Variants in CTNNA3 observed in about 807,000 individuals in gnomAD.
CTNNA3 encodes the protein catenin alpha-3.
A neutral mutation model predicts 95.7 loss-of-function variants in CTNNA3; 76 were observed. The observed-to-expected ratio is 0.79, with a 90% CI of 0.66 to 0.96. The LOEUF is 0.96. CTNNA3 is among the 40% of genes least tolerant of loss of function. The probability of loss-of-function intolerance (pLI) is 0.00; values close to 1 mark genes in which losing one functional copy is unlikely to be tolerated. For synonymous variants in CTNNA3, 431 were observed against 374.4 expected (o/e 1.15, Z -1.74); for missense variants, 1,191 against 1,089.8 (o/e 1.09, Z -1.31).
chr10:65,917,926 C>T lies in CTNNA3; in HGVS notation c.*2404G>A, dbSNP rs2077026794. 1 of 152,162 alleles carries T rather than the reference C, an allele frequency of 6.6e-6. No individual in the cohort carries two copies. Among genetic ancestry groups the T allele is most frequent in the African/African-American group, 2.4e-5 (1 of 41,448 alleles). The allele number at this position is 152,162 out of a possible 1,614,324, so 9.4% of individuals were successfully genotyped here. On this transcript the variant is annotated 3_prime_UTR_variant, in exon 18 of 18. Coordinates refer to ENST00000433211, the MANE Select transcript of CTNNA3 (RefSeq NM_013266.4). The stretch of plus-strand genomic sequence containing the variant: ...AAATGCTGCCTACTACAGGAATTCA[C>T]TCAGGTGGACAGATGCCTTTTTCAG...
At chr10:67,387,473 AG>A (rs974303676) in intron 5 of CTNNA3, among the ~76,000 whole-genome samples, 47 of 152,242 alleles carry the variant, frequency 3.1e-4, no homozygotes, top group African/African-American at 1.1e-3. Flanking sequence ...GGCAGCAGCG[AG>A]GCTGGGGGAG....
intron 3 of CTNNA3, among the ~76,000 whole-genome samples, chr10:67,593,340 G>A (rs1018419527): frequency 2.6e-5 from 4 of 152,036 alleles, no homozygotes; most frequent in Admixed American, 6.6e-5. Flanking sequence ...TATGTAAATT[G>A]CTTTAGGCAG....
chr10:66,967,396 A>G (rs1450887365), intron 7 of CTNNA3, among the ~76,000 whole-genome samples: 2 of 151,866 alleles, frequency 1.3e-5, no homozygotes, highest in Non-Finnish European at 2.9e-5. Context: ...ATATGTGTAT[A>G]TACATATATA....
chr10:67,399,616 T>G (rs1844844289), intron 5 of CTNNA3, among the ~76,000 whole-genome samples: 2 of 152,168 alleles, frequency 1.3e-5, no homozygotes, highest in African/African-American at 4.8e-5. Flanking sequence ...CATTTCTCCT[T>G]GTTAAAATAA....
chr10:66,640,366 T>A lies in CTNNA3; in HGVS notation c.1282-18582A>T, dbSNP rs55810354. Among the ~76,000 whole-genome samples the A allele has an allele frequency of 8.8e-3, 1,344 of 152,254 alleles. 17 individuals carry two copies. The highest frequency in any genetic ancestry group is 0.029 in the African/African-American group (1,208 of 41,560). On this transcript the variant is annotated intron_variant, in intron 9 of 17. Coordinates refer to ENST00000433211, the MANE Select transcript of CTNNA3 (RefSeq NM_013266.4). Reference sequence around the variant, plus strand: ...TCTCTTCCCAGGGGAAGCTCACAATTAATGATGGAGTGAGTTGGGATTACA... The same window carrying A: ...TCTCTTCCCAGGGGAAGCTCACAATAAATGATGGAGTGAGTTGGGATTACA...
chr10:66,291,273 G>A (rs10740231), intron 12 of CTNNA3, among the ~76,000 whole-genome samples: 67,261 of 151,894 alleles, frequency 0.44, 15,634 homozygotes, highest in African/African-American at 0.59. Flanking sequence ...TTCATTGCTC[G>A]GTAAACTTTA....
At chr10:66,780,264 G>A (rs2132841883) in intron 7 of CTNNA3, among the ~76,000 whole-genome samples, 1 of 152,214 alleles carries the variant, frequency 6.6e-6, no homozygotes. Context: ...TGTGGAGTCT[G>A]CACAATGGAT....
intron 7 of CTNNA3, among the ~76,000 whole-genome samples, chr10:66,952,722 A>T (rs543805875): frequency 6.6e-6 from 1 of 152,094 alleles, no homozygotes; most frequent in South Asian, 2.1e-4. Context: ...AATTATTATC[A>T]ATGTACCCAT....
At chr10:66,011,911 T>A (rs149019520) in intron 15 of CTNNA3, among the ~76,000 whole-genome samples, 5 of 152,290 alleles carry the variant, frequency 3.3e-5, no homozygotes, top group Middle Eastern at 3.4e-3. Flanking sequence ...CTATGCTGTA[T>A]GATGGATAAA....
At chr10:66,657,896 A>G (rs1271621206) in intron 9 of CTNNA3, among the ~76,000 whole-genome samples, 1 of 152,196 alleles carries the variant, frequency 6.6e-6, no homozygotes, top group Non-Finnish European at 1.5e-5. Context: ...GAAATCGAAC[A>G]TGGAAATATC....
rs898409009 is a variant in CTNNA3, at chr10:66,347,915, A to C, written c.1732+31237T>G. On this transcript the variant is annotated intron_variant, in intron 12 of 17. Coordinates refer to ENST00000433211, the MANE Select transcript of CTNNA3 (RefSeq NM_013266.4). ...AGAATAAATGACATATTTGAATAGA[A>C]AATAGCTAGGAACTTTCTGAAACTT... 5.3e-5 allele frequency among the ~76,000 whole-genome samples: 8 copies of C among 152,138 alleles called. No individual in the cohort carries two copies. In the South Asian group the frequency reaches 1.7e-3, roughly 31 times the overall value.
chr10:66,581,452 C>T (rs1026733898), intron 10 of CTNNA3, among the ~76,000 whole-genome samples: 6 of 150,596 alleles, frequency 4.0e-5, no homozygotes, highest in South Asian at 2.1e-4. Flanking sequence ...TATTCTGGCT[C>T]GGGTAAGGTG....
chr10:67,196,790 T>C (rs1863390307), intron 6 of CTNNA3, among the ~76,000 whole-genome samples: 1 of 152,046 alleles, frequency 6.6e-6, no homozygotes, highest in African/African-American at 2.4e-5. Context: ...CCTCCAGGAA[T>C]CTGTTGATTT....
chr10:67,735,014 G>GT (rs1348547307), intron 1 of CTNNA3, among the ~76,000 whole-genome samples: 1 of 152,016 alleles, frequency 6.6e-6, no homozygotes, highest in African/African-American at 2.4e-5. Context: ...ATTTCTTCAA[G>GT]TAACATGTAT....
At chr10:66,582,570 A>G (rs1337137849) in intron 10 of CTNNA3, among the ~76,000 whole-genome samples, 1 of 151,782 alleles carries the variant, frequency 6.6e-6, no homozygotes, top group Non-Finnish European at 1.5e-5. Flanking sequence ...ATATAAGATT[A>G]TATCATTGGC....
chr10:66,025,556 T>C (rs905345043), intron 15 of CTNNA3, among the ~76,000 whole-genome samples: 5 of 152,210 alleles, frequency 3.3e-5, no homozygotes, highest in African/African-American at 1.2e-4. Flanking sequence ...TGAATGTGTT[T>C]TTGCTCATCA....
Position 66,799,214 on chromosome 10 carries a change from TAA to T in CTNNA3, c.1048-23692_1048-23691del, listed in dbSNP as rs373717383. 1.5e-3 allele frequency among the ~76,000 whole-genome samples: 223 copies of T among 151,544 alleles called. 1 individual carries two copies. Among genetic ancestry groups the T allele is most frequent in the African/African-American group, 5.2e-3 (216 of 41,450 alleles). The stretch of plus-strand genomic sequence containing the variant: ...ACTGTGAATAGCTTACAATAAAAAA[TAA>T]ATAGTCATGTAAAGGAGTATAAAAG... On this transcript the variant is annotated intron_variant, in intron 7 of 17. Transcript: ENST00000433211.
At chr10:66,719,844 G>A (rs10997357) in intron 9 of CTNNA3, among the ~76,000 whole-genome samples, 4,757 of 152,142 alleles carry the variant, frequency 0.031, 199 homozygotes, top group East Asian at 0.22. Flanking sequence ...GTAGCAGCTA[G>A]GCACCAGTAT....
chr10:66,496,982 G>C (rs1433460013), intron 11 of CTNNA3, among the ~76,000 whole-genome samples: 1 of 152,000 alleles, frequency 6.6e-6, no homozygotes, highest in Non-Finnish European at 1.5e-5. Flanking sequence ...GTCTTCACAG[G>C]GTTTCCCTCA....
Sources: allele counts gnomAD v4.1 joint callset (sites outside exome capture counted in the v4.1 genomes callset), GRCh38; gene constraint gnomAD v4.1.1; transcripts MANE v1.5; gene names NCBI Gene and HGNC (gene_info 2026-07-23, HGNC 2026-07-21).